The following HUNK variants were observed in gnomAD, a reference collection of about 807,000 sequenced individuals.
The protein encoded by HUNK is hormonally up-regulated neu tumor-associated kinase.
In HUNK, 21 loss-of-function variants were observed where a neutral mutation model predicts 61.0. That is an observed-to-expected ratio of 0.34 (90% CI 0.24 to 0.50). The LOEUF (loss-of-function observed/expected upper bound fraction) is 0.50, where lower values mean the gene tolerates loss of function less well. Ranked by LOEUF, HUNK falls within the 20% of genes least tolerant of loss-of-function variation. The pLI, the probability that HUNK is intolerant of heterozygous loss-of-function variation, is 0.98. For synonymous variants in HUNK, 371 were observed against 386.1 expected (o/e 0.96, Z 0.46); for missense variants, 772 against 945.7 (o/e 0.82, Z 2.41).
rs555762132 is a variant in HUNK, at chr21:31,923,562, G to A, written c.262-906G>A. ...GGAAGGAAGGAAGGAAAGAAGGAAGGAAGGAAGGAAGCGAGGGAGGGAGGG... is the reference window on the plus strand; with the variant it reads ...GGAAGGAAGGAAGGAAAGAAGGAAGAAAGGAAGGAAGCGAGGGAGGGAGGG... On this transcript the variant is annotated intron_variant, in intron 1 of 10. Transcript: ENST00000270112. Among the ~76,000 whole-genome samples, 6 of 124,742 alleles carry A rather than the reference G, an allele frequency of 4.8e-5. No homozygotes were observed. In the East Asian group the frequency reaches 1.7e-3, roughly 34 times the overall value. 81.8% of individuals were successfully genotyped at this position (124,742 alleles called of 152,430 possible).
chr21:31,900,179 C>T (rs1601366500), intron 1 of HUNK, among the ~76,000 whole-genome samples: 1 of 152,134 alleles, frequency 6.6e-6, no homozygotes, highest in East Asian at 1.9e-4. Flanking sequence ...CATAATCCAT[C>T]CTAATTGCCT....
chr21:31,941,773 G>A (rs2052770422), intron 3 of HUNK, among the ~76,000 whole-genome samples: 1 of 152,188 alleles, frequency 6.6e-6, no homozygotes, highest in Admixed American at 6.5e-5. Flanking sequence ...CTGGTGTGGG[G>A]TAGGGAATGG....
Position 31,999,232 on chromosome 21 carries a change from A to G in HUNK, c.*48A>G. On this transcript the variant is annotated 3_prime_UTR_variant, in exon 11 of 11. Transcript: ENST00000270112. ...TATCTCTAGAAAACAGCAACTGAACAGAGCTCCACACATCTGTCAGGGTGT... is the reference window on the plus strand; with the variant it reads ...TATCTCTAGAAAACAGCAACTGAACGGAGCTCCACACATCTGTCAGGGTGT... The G allele has an allele frequency of 6.7e-7, 1 of 1,488,798 alleles. No individual in the cohort carries two copies. Among genetic ancestry groups the G allele is most frequent in the Non-Finnish European group, 9.1e-7 (1 of 1,096,572 alleles). The allele number at this position is 1,488,798 out of a possible 1,614,324, so 92.2% of individuals were successfully genotyped here.
chr21:31,930,759 T>C (rs894720483), intron 2 of HUNK, among the ~76,000 whole-genome samples: 1 of 152,208 alleles, frequency 6.6e-6, no homozygotes, highest in African/African-American at 2.4e-5. Flanking sequence ...TCCTATGTTC[T>C]GGAATAGTCC....
At chr21:31,899,769 T>C (rs940335455) in intron 1 of HUNK, among the ~76,000 whole-genome samples, 1 of 151,300 alleles carries the variant, frequency 6.6e-6, no homozygotes, top group African/African-American at 2.4e-5. Context: ...AAGTTACACC[T>C]CTGGCTGCTG....
intron 2 of HUNK, among the ~76,000 whole-genome samples, chr21:31,934,714 A>G (rs1431343757): frequency 6.6e-6 from 1 of 151,872 alleles, no homozygotes; most frequent in Non-Finnish European, 1.5e-5. Context: ...TTGTGTCCAT[A>G]TGTACCCAAT....
rs951842797 is a variant in HUNK, at chr21:31,999,209, T to A, written c.*25T>A. On this transcript the variant is annotated 3_prime_UTR_variant, in exon 11 of 11. Transcript: ENST00000270112. ...ACTTGGGCCAGCGGGGTTTGGGGTA[T>A]CTCTAGAAAACAGCAACTGAACAGA... 2 of 1,568,948 alleles carry A rather than the reference T, an allele frequency of 1.3e-6. No individual in the cohort carries two copies. The highest frequency in any genetic ancestry group is 2.7e-5 in the African/African-American group (2 of 73,316).
At chr21:31,941,809 T>G (rs1450758097) in intron 3 of HUNK, among the ~76,000 whole-genome samples, 1 of 152,148 alleles carries the variant, frequency 6.6e-6, no homozygotes. Context: ...TGTTTTAGGT[T>G]CCCTGTAACT....
chr21:31,916,955 T>C (rs571507821), intron 1 of HUNK, among the ~76,000 whole-genome samples: 2 of 152,102 alleles, frequency 1.3e-5, no homozygotes, highest in East Asian at 3.9e-4. Context: ...GGGTGACAGG[T>C]GTGAGCCACC....
intron 1 of HUNK, among the ~76,000 whole-genome samples, chr21:31,887,871 G>A (rs779910153): frequency 5.3e-5 from 8 of 152,142 alleles, no homozygotes; most frequent in Non-Finnish European, 8.8e-5. Context: ...GGTTATGATT[G>A]CATAACCTTC....
intron 1 of HUNK, among the ~76,000 whole-genome samples, chr21:31,894,366 C>G (rs373900092): frequency 6.6e-6 from 1 of 152,256 alleles, no homozygotes; most frequent in African/African-American, 2.4e-5. Context: ...TTTTTAGACT[C>G]AGAATTCTGC....
chr21:31,979,108 C>CTTTTT (rs57678620), intron 7 of HUNK, among the ~76,000 whole-genome samples: 2,325 of 142,200 alleles, frequency 0.016, 88 homozygotes, highest in African/African-American at 0.057. Context: ...TTGGCCATTT[C>CTTTTT]TTTTTTTTTT....
intron 1 of HUNK, among the ~76,000 whole-genome samples, chr21:31,895,539 T>C (rs2052418905): frequency 6.6e-6 from 1 of 152,228 alleles, no homozygotes; most frequent in Admixed American, 6.5e-5. Flanking sequence ...GTGGTGGTTT[T>C]GGCTTTCTCT....
chr21:31,970,957 A>G (rs1364304473), intron 6 of HUNK, among the ~76,000 whole-genome samples: 2 of 152,234 alleles, frequency 1.3e-5, no homozygotes, highest in Admixed American at 1.3e-4. Context: ...TCACATGCTC[A>G]GGAAAACAGC....
At chr21:31,985,338 T>C (rs1424245024) in intron 8 of HUNK, among the ~76,000 whole-genome samples, 1 of 152,242 alleles carries the variant, frequency 6.6e-6, no homozygotes, top group African/African-American at 2.4e-5. Flanking sequence ...GGAAGATTCT[T>C]CTCTGGGCTT....
chr21:31,967,755 T>C (rs990855859), intron 5 of HUNK, among the ~76,000 whole-genome samples: 1 of 152,152 alleles, frequency 6.6e-6, no homozygotes, highest in African/African-American at 2.4e-5. Context: ...TTAGGATGCC[T>C]GTACACTTCT....
intron 7 of HUNK, among the ~76,000 whole-genome samples, chr21:31,981,281 C>G (rs2053095668): frequency 6.6e-6 from 1 of 151,880 alleles, no homozygotes; most frequent in South Asian, 2.1e-4. Flanking sequence ...GTTTTGAAGT[C>G]AGGTGGTGTG....
intron 1 of HUNK, among the ~76,000 whole-genome samples, chr21:31,890,207 A>G (rs1254309177): frequency 6.6e-6 from 1 of 150,798 alleles, no homozygotes; most frequent in Middle Eastern, 3.4e-3. Context: ...ATCACATTGC[A>G]TTATCCATTC....
At chr21:31,979,515 C>CTTTTTTTTTTTTTTTTT (rs71193166) in intron 7 of HUNK, among the ~76,000 whole-genome samples, 1 of 34,298 alleles carries the variant, frequency 2.9e-5, no homozygotes, top group African/African-American at 1.2e-4. Flanking sequence ...TGTTTGCATT[C>CTTTTTTTTTTTTTTTTT]TTTTTTTTTT....
Sources: gnomAD v4.1 joint callset for allele counts (sites outside exome capture counted in the v4.1 genomes callset) on GRCh38, gnomAD v4.1.1 for gene constraint, MANE v1.5 for transcripts, NCBI Gene and HGNC (gene_info 2026-07-23, HGNC 2026-07-21) for gene names.